Variants in RELN observed in about 807,000 individuals in gnomAD.
RELN encodes the protein reelin.
In RELN, 108 loss-of-function variants were observed where a neutral mutation model predicts 427.6. The ratio of observed to expected loss-of-function variants is 0.25; its 90% CI spans 0.22 to 0.30. The LOEUF is 0.30. Ranked by LOEUF, RELN falls within the 10% of genes least tolerant of loss-of-function variation. The probability of loss-of-function intolerance (pLI) is 1.00; values close to 1 mark genes in which losing one functional copy is unlikely to be tolerated. For missense variants in RELN, 3,715 were observed against 4,302.8 expected (o/e 0.86, Z 3.82); for synonymous variants, 1,524 against 1,513.4 (o/e 1.01, Z -0.16).
intron 3 of RELN, among the ~76,000 whole-genome samples, chr7:103,812,512 A>G (rs1792768308): frequency 6.6e-6 from 1 of 152,236 alleles, no homozygotes; most frequent in Non-Finnish European, 1.5e-5. Context: ...TCTAAAGATA[A>G]GAACCTCATG....
intron 53 of RELN, among the ~76,000 whole-genome samples, chr7:103,499,632 T>C (rs934989422): frequency 2.0e-5 from 3 of 152,314 alleles, no homozygotes; most frequent in Middle Eastern, 3.4e-3. Flanking sequence ...GTTAAAGACA[T>C]ACAGTCAAAT....
At chr7:103,888,645 C>T (rs1430670655) in intron 2 of RELN, among the ~76,000 whole-genome samples, 1 of 152,094 alleles carries the variant, frequency 6.6e-6, no homozygotes, top group East Asian at 1.9e-4. Context: ...TGTCCTTGGC[C>T]TTCGTAGAAA....
At chr7:103,493,009 A>G (rs370972852) in intron 57 of RELN, among the ~76,000 whole-genome samples, 6 of 152,356 alleles carry the variant, frequency 3.9e-5, no homozygotes, top group African/African-American at 1.4e-4. Flanking sequence ...TTGGCAGACC[A>G]GAAGCTGCAG....
intron 33 of RELN, 51 bp downstream of exon 33, chr7:103,566,173 T>G (rs1830746053): frequency 6.8e-7 from 1 of 1,469,694 alleles, no homozygotes; most frequent in Non-Finnish European, 9.5e-7. Context: ...TTAGTTAATT[T>G]AGTCCTCTAG....
chr7:103,779,424 G>C (rs1791830512), intron 3 of RELN, among the ~76,000 whole-genome samples: 1 of 152,010 alleles, frequency 6.6e-6, no homozygotes, highest in African/African-American at 2.4e-5. Context: ...CAACTATTAT[G>C]AATTGAAATT....
In RELN at chr7:103,886,884, T is replaced by C. The variant is rs566881026; in HGVS notation, c.337+30191A>G. On this transcript the variant is annotated intron_variant, in intron 2 of 64. Coordinates refer to ENST00000428762, the MANE Select transcript of RELN (RefSeq NM_005045.4). ...TCACTTGCTAGCAACCTAGTAAAGA[T>C]AGAAAGTGGACAGGAGGAAATTAAG... 8.5e-5 allele frequency among the ~76,000 whole-genome samples: 13 copies of C among 152,276 alleles called. No homozygotes were observed. In the South Asian group the frequency reaches 1.5e-3, roughly 17 times the overall value.
At chr7:103,574,382 A>C (rs1830951054) in intron 29 of RELN, 83 bp from the exon 30 acceptor site, 1 of 1,139,306 alleles carries the variant, frequency 8.8e-7, no homozygotes, top group Non-Finnish European at 1.3e-6. Flanking sequence ...GCAAAGGAAG[A>C]ATGTCCATAG....
chr7:103,864,080 T>C (rs1201313368), intron 2 of RELN, among the ~76,000 whole-genome samples: 1 of 152,152 alleles, frequency 6.6e-6, no homozygotes, highest in African/African-American at 2.4e-5. Flanking sequence ...CACTCAGAAG[T>C]GTGTGCTCTC....
chr7:103,702,045 T>A (rs955130234), intron 8 of RELN, among the ~76,000 whole-genome samples: 2 of 152,206 alleles, frequency 1.3e-5, no homozygotes, highest in African/African-American at 4.8e-5. Context: ...CAAACAGCAG[T>A]TTTCCTAGAT....
intron 3 of RELN, among the ~76,000 whole-genome samples, chr7:103,777,490 C>T (rs754379912): frequency 1.5e-4 from 23 of 152,112 alleles, no homozygotes; most frequent in Non-Finnish European, 3.4e-4. Flanking sequence ...CCAAAACCAT[C>T]CTAGGGCAAA....
At chr7:103,550,611 A>G (rs1830389462) in intron 41 of RELN, among the ~76,000 whole-genome samples, 2 of 147,850 alleles carry the variant, frequency 1.4e-5, no homozygotes, top group South Asian at 4.3e-4. Context: ...GCAACGTGCT[A>G]ACTTTTTTTT....
intron 2 of RELN, among the ~76,000 whole-genome samples, chr7:103,847,072 T>C: frequency 6.6e-6 from 1 of 152,210 alleles, no homozygotes; most frequent in East Asian, 1.9e-4. Flanking sequence ...TCACTGGGTA[T>C]ATACCCAAAG....
intron 2 of RELN, among the ~76,000 whole-genome samples, chr7:103,888,889 G>A (rs2299397): frequency 0.52 from 78,489 of 152,010 alleles, 21,208 homozygotes; most frequent in East Asian, 0.77. Context: ...ATCTCCGGAT[G>A]ACTCCTGCTG....
rs765589329 is a variant in RELN, at chr7:103,635,558, T to C, written c.2332A>G (p.Ser778Gly). 38 of 1,613,870 alleles carry C rather than the reference T, an allele frequency of 2.4e-5. No individual in the cohort carries two copies. The highest frequency in any genetic ancestry group is 2.9e-5 in the Non-Finnish European group (34 of 1,179,918). The change falls in exon 19 of 65, where the codon AGC becomes GGC. Residue 778 changes from serine to glycine, a missense_variant. This residue lies in a region of RELN where 2,208 missense variants were observed against 2,361.7 expected (regional missense o/e 0.93). Transcript: ENST00000428762. ...CTGCACGTGCTCAGAACAGATTTGC[T>C]CCCCAGTCTCAGTGTGAACTGGAGA... is the stretch of plus-strand genomic sequence containing the variant. ...RFLQFTLRLG[S>G]KSVLSTCRAP...
At chr7:103,773,219 CT>C (rs1791634470) in intron 4 of RELN, among the ~76,000 whole-genome samples, 1 of 107,824 alleles carries the variant, frequency 9.3e-6, no homozygotes, top group Admixed American at 9.7e-5. Context: ...CTCTCTCTCC[CT>C]CCCTCCCTCG....
chr7:103,491,879 C>CACACACACAG (rs1828681689), intron 58 of RELN, 74 bp downstream of exon 58: 1 of 843,760 alleles, frequency 1.2e-6, no homozygotes, highest in Non-Finnish European at 1.9e-6. Context: ...CACACACACA[C>CACACACACAG]ACACACACAC....
intron 2 of RELN, among the ~76,000 whole-genome samples, chr7:103,885,338 C>A (rs866434911): frequency 1.5e-4 from 22 of 142,098 alleles, no homozygotes; most frequent in African/African-American, 1.0e-4. Context: ...GACTCCATCT[C>A]AAAAAAAAAA....
Position 103,989,261 on chromosome 7 carries a change from G to C in RELN, c.96C>G (p.Arg32=), listed in dbSNP as rs2116860269. ...TGCACAGGAAAAAGAAGGGCGAAAA[G>C]CGGGGGTAATAGCCAGCCGCCGCGC... is the stretch of plus-strand genomic sequence containing the variant. ...RARAAAGYYP[R]FSPFFFLCTH... Residue 32 remains arginine, a synonymous_variant, in exon 1 of 65, where the codon CGC becomes CGG. Coordinates refer to ENST00000428762, the MANE Select transcript of RELN (RefSeq NM_005045.4). This position sits in a 1 kb window ranked among gnomAD's most constrained non-coding sequence, Gnocchi z 4.9. The C allele has an allele frequency of 6.2e-7, 1 of 1,613,912 alleles. No individual in the cohort carries two copies. The highest frequency in any genetic ancestry group is 1.7e-5 in the Admixed American group (1 of 60,026).
intron 27 of RELN, among the ~76,000 whole-genome samples, chr7:103,590,955 G>C (rs1376766430): frequency 6.6e-6 from 1 of 152,138 alleles, no homozygotes; most frequent in Non-Finnish European, 1.5e-5. Flanking sequence ...AAATTCCTGA[G>C]AGTAGCATTA....
Sources: gnomAD v4.1 joint callset for allele counts (sites outside exome capture counted in the v4.1 genomes callset) on GRCh38, gnomAD v4.1.1 for gene constraint, gnomAD v4.1.1 regional missense constraint, Gnocchi (gnomAD v3.1) non-coding constraint, MANE v1.5 for transcripts, NCBI Gene and HGNC (gene_info 2026-07-23, HGNC 2026-07-21) for gene names.